ZNF804A: variants seen among roughly 807,000 people sequenced by gnomAD.
ZNF804A encodes the protein zinc finger protein 804A.
A neutral mutation model predicts 16.5 loss-of-function variants in ZNF804A; 2 were observed. The ratio of observed to expected loss-of-function variants is 0.12; its 90% confidence interval spans 0.05 to 0.38. The LOEUF is 0.38. Ranked by LOEUF, ZNF804A falls within the 10% of genes least tolerant of loss-of-function variation. The pLI is 0.99. For synonymous variants in ZNF804A, 534 were observed against 489.6 expected, an observed-to-expected ratio of 1.09 and a Z score of -1.20; for missense variants, 1,473 against 1,390.7, an observed-to-expected ratio of 1.06 and a Z score of -0.94.
At chr2:184,830,058 T>C (rs952914111) in intron 1 of ZNF804A, among the ~76,000 whole-genome samples, 5 of 151,290 alleles carry the variant, frequency 3.3e-5, no homozygotes, top group Non-Finnish European at 5.9e-5. Flanking sequence ...ATCCTGCCAC[T>C]GTACTCTAGC....
chr2:184,802,679 T>C (rs895351575), intron 1 of ZNF804A, among the ~76,000 whole-genome samples: 7 of 152,326 alleles, frequency 4.6e-5, no homozygotes, highest in Admixed American at 2.6e-4. Context: ...AGGGAAGCAG[T>C]TGAATTTAGT....
intron 1 of ZNF804A, among the ~76,000 whole-genome samples, chr2:184,661,980 G>C (rs1436469378): frequency 2.6e-5 from 4 of 152,130 alleles, no homozygotes; most frequent in African/African-American, 9.7e-5. Flanking sequence ...AAATATTAAA[G>C]TTTTTGAAGA....
chr2:184,769,916 A>AC (rs1694186063), intron 1 of ZNF804A, among the ~76,000 whole-genome samples: 1 of 152,110 alleles, frequency 6.6e-6, no homozygotes, highest in East Asian at 1.9e-4. Context: ...AGCACAAGTA[A>AC]AACATCTGTT....
intron 1 of ZNF804A, among the ~76,000 whole-genome samples, chr2:184,847,181 A>ACC (rs1417726490): frequency 6.6e-6 from 1 of 152,114 alleles, no homozygotes; most frequent in East Asian, 1.9e-4. Flanking sequence ...TCGCCAGAGG[A>ACC]ATCTATAGAG....
At chr2:184,847,809 T>G (rs1695543901) in intron 1 of ZNF804A, among the ~76,000 whole-genome samples, 1 of 151,994 alleles carries the variant, frequency 6.6e-6, no homozygotes, top group South Asian at 2.1e-4. Flanking sequence ...CTCCTCAGGT[T>G]TGGTAATTTT....
At chr2:184,912,992 G>T (rs1158935524) in intron 2 of ZNF804A, among the ~76,000 whole-genome samples, 1 of 152,030 alleles carries the variant, frequency 6.6e-6, no homozygotes, top group Non-Finnish European at 1.5e-5. Flanking sequence ...CTGTATGTAA[G>T]AAACCATTGC....
intron 1 of ZNF804A, among the ~76,000 whole-genome samples, chr2:184,741,556 A>C (rs1693709448): frequency 1.3e-5 from 2 of 152,108 alleles, no homozygotes; most frequent in East Asian, 3.8e-4. Context: ...CATGACCCCT[A>C]GCTAAATAAA....
At chr2:184,696,518 G>A (rs1692833903) in intron 1 of ZNF804A, among the ~76,000 whole-genome samples, 1 of 152,060 alleles carries the variant, frequency 6.6e-6, no homozygotes. Flanking sequence ...GAGAGTTTCT[G>A]GGAATGCCAC....
At chr2:184,692,213 G>A (rs1692743805) in intron 1 of ZNF804A, among the ~76,000 whole-genome samples, 1 of 152,170 alleles carries the variant, frequency 6.6e-6, no homozygotes, top group African/African-American at 2.4e-5. Flanking sequence ...ATGCAGGGCA[G>A]AGCAGTTAAT....
At chr2:184,718,198 T>C (rs1273087145) in intron 1 of ZNF804A, among the ~76,000 whole-genome samples, 1 of 152,036 alleles carries the variant, frequency 6.6e-6, no homozygotes, top group Non-Finnish European at 1.5e-5. Flanking sequence ...GTTTTTAAAA[T>C]CATCAGATCT....
chr2:184,876,963 C>G (rs959968552), intron 2 of ZNF804A, among the ~76,000 whole-genome samples: 57 of 151,970 alleles, frequency 3.8e-4, no homozygotes, highest in African/African-American at 1.4e-3. Flanking sequence ...GCACTGTAAT[C>G]CAATAAAAGT....
intron 1 of ZNF804A, among the ~76,000 whole-genome samples, chr2:184,613,372 G>A (rs180946714): frequency 6.6e-6 from 1 of 152,296 alleles, no homozygotes; most frequent in Non-Finnish European, 1.5e-5. Context: ...CTGTCTGAAT[G>A]TTTGTTTCTC....
intron 1 of ZNF804A, among the ~76,000 whole-genome samples, chr2:184,855,572 G>GTA (rs1671115398): frequency 1.3e-5 from 2 of 150,362 alleles, no homozygotes; most frequent in Non-Finnish European, 3.0e-5. Context: ...TATAGAGAAA[G>GTA]TATATATATA....
At chr2:184,820,089 C>G (rs935035087) in intron 1 of ZNF804A, among the ~76,000 whole-genome samples, 3 of 151,974 alleles carry the variant, frequency 2.0e-5, no homozygotes, top group African/African-American at 7.3e-5. Flanking sequence ...CCTCCTGATA[C>G]TAAAACCTGG....
intron 1 of ZNF804A, among the ~76,000 whole-genome samples, chr2:184,728,680 T>C (rs2105746250): frequency 6.6e-6 from 1 of 152,080 alleles, no homozygotes; most frequent in East Asian, 1.9e-4. Context: ...GGAAGAAGTT[T>C]CTTTCTATCC....
chr2:184,931,613 C>T (rs1310568918), intron 2 of ZNF804A, among the ~76,000 whole-genome samples: 1 of 152,200 alleles, frequency 6.6e-6, no homozygotes, highest in Non-Finnish European at 1.5e-5. Context: ...TCCCAATCCT[C>T]TGGGCCTGTG....
intron 2 of ZNF804A, among the ~76,000 whole-genome samples, chr2:184,890,207 AT>A (rs1684959262): frequency 6.6e-6 from 1 of 152,164 alleles, no homozygotes; most frequent in Non-Finnish European, 1.5e-5. Context: ...CTGACTGGTA[AT>A]TTTTAAAAAT....
Position 184,938,138 on chromosome 2 carries a change from C to T in ZNF804A, c.2742C>T (p.Pro914=), listed in dbSNP as rs544655424. Residue 914 remains proline (P), a synonymous_variant, in exon 4 of 4, where the codon CCC becomes CCT. Coordinates refer to ENST00000302277, the MANE Select transcript of ZNF804A (RefSeq NM_194250.2). ...SGELSDVSND[P]TTSVCVASAP... ...AATTGTCAGATGTTTCCAATGATCC[C>T]ACCACATCTGTCTGTGTAGCTAGTG... is the stretch of plus-strand genomic sequence containing the variant. 1.2e-6 allele frequency: 2 copies of T among 1,614,070 alleles called. No homozygotes were observed. The highest frequency in any genetic ancestry group is 1.7e-5 in the Admixed American group (1 of 60,000).
At chr2:184,884,443 A>G (rs1436232609) in intron 2 of ZNF804A, among the ~76,000 whole-genome samples, 1 of 152,140 alleles carries the variant, frequency 6.6e-6, no homozygotes, top group African/African-American at 2.4e-5. Flanking sequence ...AATTAGAAAA[A>G]AAACTACTAT....
Sources: allele counts gnomAD v4.1 joint callset (sites outside exome capture counted in the v4.1 genomes callset), GRCh38; gene constraint gnomAD v4.1.1; transcripts MANE v1.5; gene names NCBI Gene and HGNC (gene_info 2026-07-23, HGNC 2026-07-21).